The following RIMS2 variants were observed in gnomAD, a reference collection of about 807,000 sequenced individuals.
The protein encoded by RIMS2 is regulating synaptic membrane exocytosis protein 2.
In RIMS2, 59 loss-of-function variants were observed where a neutral mutation model predicts 174.4. The observed-to-expected ratio is 0.34, with a 90% CI of 0.27 to 0.42. The LOEUF is 0.42. RIMS2 is among the 10% of genes least tolerant of loss of function. The pLI is 1.00. For synonymous variants in RIMS2, 606 were observed against 572.5 expected (o/e 1.06, Z -0.84); for missense variants, 1,620 against 1,666.3 (o/e 0.97, Z 0.48).
intron 1 of RIMS2, among the ~76,000 whole-genome samples, chr8:103,593,615 T>C (rs1042791488): frequency 6.6e-6 from 1 of 151,522 alleles, no homozygotes; most frequent in African/African-American, 2.4e-5. Context: ...TTAGGACATG[T>C]AGAACACAGA....
chr8:103,596,415 G>C (rs2094479867), intron 1 of RIMS2, among the ~76,000 whole-genome samples: 1 of 151,948 alleles, frequency 6.6e-6, no homozygotes, highest in Non-Finnish European at 1.5e-5. Flanking sequence ...GGTAGAGGTG[G>C]TGCACCTTTG....
chr8:103,610,793 T>G (rs1178020895), intron 1 of RIMS2, among the ~76,000 whole-genome samples: 3 of 152,220 alleles, frequency 2.0e-5, no homozygotes, highest in South Asian at 4.1e-4. Context: ...AAATTTTCTT[T>G]TGTCATGTGT....
chr8:103,757,437 G>A (rs796333652), intron 2 of RIMS2, among the ~76,000 whole-genome samples: 5 of 151,986 alleles, frequency 3.3e-5, no homozygotes, highest in South Asian at 2.1e-4. Context: ...TGGTAGGTTC[G>A]TCTTTATTCA....
In RIMS2 at chr8:103,794,978, C is replaced by T. The variant is rs1010124164; in HGVS notation, c.698+28441C>T. On this transcript the variant is annotated intron_variant, in intron 3 of 23. Transcript: ENST00000504942. ...GTGGAGAAATAGGAACACTTTTACA[C>T]TGTTGGTGGGACTGTAAACTAGTTC... Among the ~76,000 whole-genome samples, 5 of 152,234 alleles carry T rather than the reference C, an allele frequency of 3.3e-5. No individual in the cohort carries two copies. The East Asian group carries it at 9.6e-4, about 29-fold the overall frequency.
intron 2 of RIMS2, among the ~76,000 whole-genome samples, chr8:103,738,781 C>T (rs1156894165): frequency 6.6e-6 from 1 of 152,094 alleles, no homozygotes; most frequent in Non-Finnish European, 1.5e-5. Flanking sequence ...TGAAAAAATG[C>T]TCATCGTCAC....
intron 19 of RIMS2, among the ~76,000 whole-genome samples, chr8:104,124,984 C>T (rs564382617): frequency 6.6e-6 from 1 of 152,154 alleles, no homozygotes; most frequent in African/African-American, 2.4e-5. Context: ...TAGATCAAAT[C>T]TTAGTGAGTG....
At chr8:104,241,602 C>T (rs1281124663) in intron 19 of RIMS2, among the ~76,000 whole-genome samples, 1 of 152,104 alleles carries the variant, frequency 6.6e-6, no homozygotes, top group Non-Finnish European at 1.5e-5. Context: ...TGTACGTATC[C>T]TCATTCCACA....
intron 1 of RIMS2, chr8:103,569,002 A>C: frequency 4.1e-6 from 2 of 490,788 alleles, no homozygotes; most frequent in South Asian, 5.2e-5. Context: ...CGCTCTTTTC[A>C]CTTTCTTGAT....
At chr8:104,127,355 C>A (rs750040111) in intron 19 of RIMS2, among the ~76,000 whole-genome samples, 8 of 152,194 alleles carry the variant, frequency 5.3e-5, no homozygotes, top group Non-Finnish European at 1.2e-4. Context: ...ATTCAGCAAA[C>A]ATCTCTTGAG....
chr8:103,950,102 A>G (rs1358049225), intron 14 of RIMS2, among the ~76,000 whole-genome samples: 2 of 152,134 alleles, frequency 1.3e-5, no homozygotes, highest in East Asian at 1.9e-4. Flanking sequence ...GTAGCCCAAT[A>G]TCTATTTGAG....
At chr8:103,866,380 G>C (rs1163385830) in intron 3 of RIMS2, among the ~76,000 whole-genome samples, 2 of 152,078 alleles carry the variant, frequency 1.3e-5, no homozygotes, top group Non-Finnish European at 2.9e-5. Flanking sequence ...GCGTTTCTGA[G>C]AATAAAACAA....
chr8:104,253,655 T>C (rs763762202), downstream of RIMS2: 4 of 152,220 alleles, frequency 2.6e-5, no homozygotes, highest in Non-Finnish European at 4.4e-5. Context: ...AGAGGAAAAG[T>C]CACTGGTTAT....
chr8:103,697,817 G>A (rs748535764), intron 2 of RIMS2, among the ~76,000 whole-genome samples: 10 of 152,050 alleles, frequency 6.6e-5, no homozygotes, highest in Non-Finnish European at 1.3e-4. Context: ...ACAAGGTCAG[G>A]AGTTCGAGAC....
At chr8:104,054,096 A>G (rs1002226213) in intron 19 of RIMS2, among the ~76,000 whole-genome samples, 2 of 152,150 alleles carry the variant, frequency 1.3e-5, no homozygotes, top group Non-Finnish European at 2.9e-5. Context: ...AGAAAAAAAT[A>G]AAAACTCGGT....
chr8:104,230,994 C>A (rs2099224727), intron 19 of RIMS2, among the ~76,000 whole-genome samples: 2 of 152,064 alleles, frequency 1.3e-5, no homozygotes, highest in Admixed American at 1.3e-4. Flanking sequence ...TTATTTGGGC[C>A]AAACAAAACA....
At chr8:103,703,924 C>G (rs1040569423) in intron 2 of RIMS2, among the ~76,000 whole-genome samples, 1 of 151,962 alleles carries the variant, frequency 6.6e-6, no homozygotes, top group African/African-American at 2.4e-5. Flanking sequence ...ACTGTGTTAT[C>G]TGTGTAAAAG....
At chr8:103,665,721 C>A (rs1242439380) in intron 1 of RIMS2, among the ~76,000 whole-genome samples, 1 of 152,088 alleles carries the variant, frequency 6.6e-6, no homozygotes, top group Non-Finnish European at 1.5e-5. Context: ...CCATGCATAC[C>A]TTATTCCAAA....
intron 16 of RIMS2, among the ~76,000 whole-genome samples, chr8:103,984,220 G>C (rs779394348): frequency 1.3e-5 from 2 of 151,870 alleles, no homozygotes; most frequent in Non-Finnish European, 2.9e-5. Context: ...ATCATATCAA[G>C]TTAAAAAGCT....
intron 1 of RIMS2, among the ~76,000 whole-genome samples, chr8:103,656,490 A>G (rs535126331): frequency 6.6e-6 from 1 of 152,280 alleles, no homozygotes; most frequent in Admixed American, 6.5e-5. Context: ...GGGTCCTGAG[A>G]TAAAAAGACT....
Sources: allele counts gnomAD v4.1 joint callset (sites outside exome capture counted in the v4.1 genomes callset), GRCh38; gene constraint gnomAD v4.1.1; transcripts MANE v1.5; gene names NCBI Gene and HGNC (gene_info 2026-07-23, HGNC 2026-07-21).